The following GCHFR variants were observed in gnomAD, a reference collection of about 807,000 sequenced individuals.
GCHFR encodes the protein GTP cyclohydrolase I feedback regulator, also known as GTP cyclohydrolase 1 feedback regulatory protein.
GCHFR carries 12 observed loss-of-function variants against 10.6 expected under a neutral mutation model. That is an observed-to-expected ratio of 1.13 (90% confidence interval 0.72 to 1.83). GCHFR has a LOEUF of 1.83. Ranked by LOEUF, GCHFR falls within the 40% of genes most tolerant of loss-of-function variation. The pLI, the probability that GCHFR is intolerant of heterozygous loss-of-function variation, is 0.00. For missense variants in GCHFR, 116 were observed against 110.6 expected (o/e 1.05, Z -0.22); for synonymous variants, 54 against 43.7 (o/e 1.24, Z -0.93).
intron 2 of GCHFR, chr15:40,766,581 A>G (rs1187387410): frequency 1.3e-5 from 2 of 152,306 alleles, no homozygotes; most frequent in Non-Finnish European, 2.9e-5. Context: ...TCCCTTTGCC[A>G]TGAGGCACTT....
chr15:40,764,309 C>CG, intron 1 of GCHFR, 93 bp downstream of exon 1: 2 of 1,189,330 alleles, frequency 1.7e-6, no homozygotes, highest in Non-Finnish European at 2.3e-6. Context: ...CTGCACCCAC[C>CG]GGGGACTGGA....
At chr15:40,765,290 T>A (rs1365668992) in intron 1 of GCHFR, 1 of 152,274 alleles carries the variant, frequency 6.6e-6, no homozygotes, top group Non-Finnish European at 1.5e-5. Context: ...ATAATCAGTT[T>A]TAGAACATTT....
At chr15:40,764,397 C>T (rs1032964991) in intron 1 of GCHFR, 181 bp downstream of exon 1, 1 of 491,450 alleles carries the variant, frequency 2.0e-6, no homozygotes, top group Non-Finnish European at 3.5e-6. Flanking sequence ...TTCCGGGACT[C>T]AGCGAGCTCT....
chr15:40,767,394 T>A lies in GCHFR; in HGVS notation c.*45T>A. ...AGACGGGGCACCCCTGTGGAGGGGC[T>A]GCTGTGGGCCCTGACCTCCAAGCTC... On this transcript the variant is annotated 3_prime_UTR_variant, in exon 3 of 3. Transcript: ENST00000260447. 1 of 1,553,900 alleles carries A rather than the reference T, an allele frequency of 6.4e-7. No homozygotes were observed. The highest frequency in any genetic ancestry group is 8.7e-7 in the Non-Finnish European group (1 of 1,151,268).
In GCHFR at chr15:40,767,256, C is replaced by T. The variant is rs1394554297; in HGVS notation, c.162C>T (p.Arg54=). Residue 54 remains arginine, a synonymous_variant, in exon 3 of 3, where the codon CGC becomes CGT. Coordinates refer to ENST00000260447, the MANE Select transcript of GCHFR (RefSeq NM_005258.3). ...AATACTACGTCGATGACCCTCCCCG[C>T]ATAGTCCTGGACAAGCTGGAACGCA... ...FYEYYVDDPP[R]IVLDKLERRG... is the part of the protein sequence containing the mutation. The T allele has an allele frequency of 1.9e-6, 3 of 1,596,092 alleles. No homozygotes were observed. In the South Asian group the frequency reaches 3.4e-5, roughly 18 times the overall value.
intron 2 of GCHFR, 147 bp from the exon 3 acceptor site, chr15:40,767,079 G>T: frequency 1.6e-6 from 1 of 644,260 alleles, no homozygotes. Context: ...AGGAGGCAGG[G>T]GGCGTGCACT....
rs1431448926 is a variant in GCHFR, at chr15:40,767,468, TG to T, written c.*122del. 3 of 1,205,414 alleles carry T rather than the reference TG, an allele frequency of 2.5e-6. No individual in the cohort carries two copies. Among genetic ancestry groups the T allele is most frequent in the Admixed American group, 2.8e-5 (1 of 35,442 alleles). The allele number at this position is 1,205,414 out of a possible 1,614,324, so 74.7% of individuals were successfully genotyped here. A position where few individuals can be genotyped will look rare whatever the true frequency, so the allele number is the denominator to read the frequency against. On this transcript the variant is annotated 3_prime_UTR_variant, in exon 3 of 3. Transcript: ENST00000260447. ...CTCTCTTCCCAAATCATCACCGCCATGGGCCCAGCCCCAAAGGGCAGTGAAT... is the reference window on the plus strand; with the variant it reads ...CTCTCTTCCCAAATCATCACCGCCATGGCCCAGCCCCAAAGGGCAGTGAAT...
At position 40,764,132 on chromosome 15, in the gene GCHFR, G is replaced by A. The variant is rs754959705; in HGVS notation, c.-49G>A. The A allele has an allele frequency of 3.3e-6, 5 of 1,521,506 alleles. No homozygotes were observed. The highest frequency in any genetic ancestry group is 4.4e-6 in the Non-Finnish European group (5 of 1,132,464). The allele number at this position is 1,521,506 out of a possible 1,614,324, so 94.3% of individuals were successfully genotyped here. On this transcript the variant is annotated 5_prime_UTR_variant, in exon 1 of 3. Transcript: ENST00000260447. ...CCCGACGCGAGAAGGGCTGGAGTCG[G>A]CGTCCAGCCTAGAGCCCCCGGTGGG... is the stretch of plus-strand genomic sequence containing the variant.
intron 1 of GCHFR, chr15:40,765,192 A>C (rs1334225384): frequency 2.0e-5 from 3 of 152,230 alleles, no homozygotes; most frequent in Non-Finnish European, 2.9e-5. Context: ...ATTGATATGT[A>C]ATGTGCATAC....
At chr15:40,764,300 T>G (rs2141939536) in intron 1 of GCHFR, 84 bp downstream of exon 1, 1 of 1,267,886 alleles carries the variant, frequency 7.9e-7, no homozygotes, top group Non-Finnish European at 1.1e-6. Flanking sequence ...CCTCCTGGGC[T>G]GCACCCACCG....
chr15:40,767,329 T>C lies in GCHFR; in HGVS notation c.235T>C (p.Trp79Arg). ...SMTGVGQTLV[W>R]CLHKE ...GACGGGGGTGGGCCAGACGCTGGTG[T>C]GGTGTCTGCACAAGGAGTGACCTTC... is the stretch of plus-strand genomic sequence containing the variant. Residue 79 changes from tryptophan (W) to arginine (R), a missense_variant, in exon 3 of 3, where the codon TGG becomes CGG. Trp to Arg is a moderately radical substitution (Grantham distance 101, BLOSUM62 -3). Transcript: ENST00000260447. The C allele has an allele frequency of 6.2e-7, 1 of 1,601,838 alleles. No homozygotes were observed. Among genetic ancestry groups the C allele is most frequent in the Non-Finnish European group, 8.5e-7 (1 of 1,174,932 alleles).
chr15:40,767,134 A>T, intron 2 of GCHFR, 92 bp from the exon 3 acceptor site: 1 of 1,345,074 alleles, frequency 7.4e-7, no homozygotes, highest in Non-Finnish European at 9.8e-7. Flanking sequence ...AGTCACTACA[A>T]GAGTGGCCAG....
chr15:40,767,650 G>T lies in GCHFR; in HGVS notation c.*301G>T. On this transcript the variant is annotated 3_prime_UTR_variant, in exon 3 of 3. Transcript: ENST00000260447. ...CCGGGCCGGAGCTGGGCACTCCAGC[G>T]GCCCTGGCGCGTGGCTCCTGCATAG... 5 of 581,902 alleles carry T rather than the reference G, an allele frequency of 8.6e-6. No homozygotes were observed. 36.0% of individuals were successfully genotyped at this position (581,902 alleles called of 1,614,324 possible).
rs1888934815 is a variant in GCHFR at position 40,765,847 on chromosome 15, G to A, written c.57G>A (p.Val19=). Residue 19 remains valine (V), a synonymous_variant, in exon 2 of 3, where the codon GTG becomes GTA. Transcript: ENST00000260447. ...QIRMEVGPTM[V]GDEQSDPELM... is the part of the protein sequence containing the mutation. The stretch of plus-strand genomic sequence containing the variant: ...TGCAGGAGGTGGGCCCCACTATGGT[G>A]GGCGATGAACAGTCGGATCCAGAGC... 1 of 1,578,596 alleles carries A rather than the reference G, an allele frequency of 6.3e-7. No individual in the cohort carries two copies. The highest frequency in any genetic ancestry group is 8.6e-7 in the Non-Finnish European group (1 of 1,156,516).
rs1474862203 is a variant in GCHFR, at chr15:40,767,614, G to A, written c.*265G>A. 6.2e-5 allele frequency: 36 copies of A among 581,094 alleles called. No individual in the cohort carries two copies. In the East Asian group the frequency reaches 9.3e-4, roughly 15 times the overall value. The allele number at this position is 581,094 out of a possible 1,614,324, so 36.0% of individuals were successfully genotyped here. A position where few individuals can be genotyped will look rare whatever the true frequency, so the allele number is the denominator to read the frequency against. ...GGGCCTTGTGTAGGCCATGTTCCTC[G>A]GGCAGCTGCCCCGGGCCGGAGCTGG... On this transcript the variant is annotated 3_prime_UTR_variant, in exon 3 of 3. Transcript: ENST00000260447.
intron 1 of GCHFR, chr15:40,764,454 G>C (rs1159372421): frequency 1.9e-5 from 9 of 471,766 alleles, no homozygotes; most frequent in Non-Finnish European, 3.4e-5. Flanking sequence ...GGGTACGTGC[G>C]TCCCGGCAAC....
chr15:40,764,329 C>G, intron 1 of GCHFR, 113 bp downstream of exon 1: 1 of 828,510 alleles, frequency 1.2e-6, no homozygotes, highest in Non-Finnish European at 1.7e-6. Context: ...ACCGGGAACC[C>G]GCCCAGACAC....
At position 40,767,418 on chromosome 15, in the gene GCHFR, T is replaced by C; in HGVS notation, c.*69T>C. ...CTGCTGTGGGCCCTGACCTCCAAGC[T>C]CCTGCCTCACCGTCTGCCTTGCTCC... On this transcript the variant is annotated 3_prime_UTR_variant, in exon 3 of 3. Transcript: ENST00000260447. 6.7e-7 allele frequency: 1 copy of C among 1,485,004 alleles called. No homozygotes were observed. The highest frequency in any genetic ancestry group is 9.0e-7 in the Non-Finnish European group (1 of 1,109,112). 92.0% of individuals were successfully genotyped at this position (1,485,004 alleles called of 1,614,324 possible).
intron 2 of GCHFR, chr15:40,766,129 T>A: frequency 7.4e-6 from 3 of 407,454 alleles, no homozygotes; most frequent in Non-Finnish European, 1.3e-5. Flanking sequence ...CTGAAAGCTT[T>A]CCACATCCTT....
Sources: allele counts gnomAD v4.1 joint callset, GRCh38; gene constraint gnomAD v4.1.1; transcripts MANE v1.5; gene names NCBI Gene and HGNC (gene_info 2026-07-23, HGNC 2026-07-21).